The following NFILZ variants were observed in gnomAD, a reference collection of about 807,000 sequenced individuals.
NFILZ encodes the protein NFIL3 like basic leucine zipper, also known as NFIL3 like protein.
Position 8,668,285 on chromosome 19 carries a change from A to T in NFILZ, c.-163-6266A>T, listed in dbSNP as rs10404147. Among the ~76,000 whole-genome samples the T allele has an allele frequency of 2.6e-5, 4 of 151,664 alleles. No individual in the cohort carries two copies. In the South Asian group the frequency reaches 8.3e-4, roughly 32 times the overall value. ...ATAATTTTAAATTTGCATTATTTTTATTGTTGTCTTGTTATTTTTTTCAAA... is the reference window on the plus strand; with the variant it reads ...ATAATTTTAAATTTGCATTATTTTTTTTGTTGTCTTGTTATTTTTTTCAAA... On this transcript the variant is annotated intron_variant, in intron 3 of 5. Transcript: ENST00000691075.
chr19:8,656,738 C>T (rs1372205343), intron 3 of NFILZ, among the ~76,000 whole-genome samples: 2 of 152,228 alleles, frequency 1.3e-5, no homozygotes, highest in Non-Finnish European at 2.9e-5. Context: ...GCAGCTAATC[C>T]TGGGCCCCTA....
intron 2 of NFILZ, among the ~76,000 whole-genome samples, chr19:8,635,131 G>C (rs1250540703): frequency 1.3e-5 from 2 of 151,676 alleles, no homozygotes; most frequent in African/African-American, 4.8e-5. Context: ...CCAACATAGT[G>C]ACTCTCTGTC....
Position 8,673,697 on chromosome 19 carries a change from A to T in NFILZ, c.-163-854A>T, listed in dbSNP as rs2967682. On this transcript the variant is annotated intron_variant, in intron 3 of 5. Transcript: ENST00000691075. Reference sequence around the variant, plus strand: ...ATGGGCACTGGAGTCCCTCCCATGAATAGAAATTCTCAGAGGAGTTCCTGG... The same window carrying T: ...ATGGGCACTGGAGTCCCTCCCATGATTAGAAATTCTCAGAGGAGTTCCTGG... 6.6e-5 allele frequency among the ~76,000 whole-genome samples: 10 copies of T among 151,868 alleles called. No homozygotes were observed. In the East Asian group the frequency reaches 1.9e-3, roughly 29 times the overall value.
chr19:8,653,011 C>CTTTCTTTCTTT (rs2042974022), intron 3 of NFILZ, among the ~76,000 whole-genome samples: 2 of 52,888 alleles, frequency 3.8e-5, no homozygotes. Context: ...TTCCTTCCTT[C>CTTTCTTTCTTT]CTTTCTTTCT....
intron 3 of NFILZ, among the ~76,000 whole-genome samples, chr19:8,657,430 G>A (rs991334255): frequency 7.9e-5 from 12 of 152,078 alleles, no homozygotes; most frequent in South Asian, 2.1e-4. Flanking sequence ...GCAGGGGGTC[G>A]TTGGGGACTC....
At chr19:8,653,054 C>T (rs1299428402) in intron 3 of NFILZ, among the ~76,000 whole-genome samples, 7,959 of 87,256 alleles carry the variant, frequency 0.091, 439 homozygotes, top group African/African-American at 0.13. Flanking sequence ...CTCTCTCTCT[C>T]TCTCTCTCTC....
chr19:8,643,677 C>T (rs1207805974), intron 3 of NFILZ, among the ~76,000 whole-genome samples: 1 of 152,162 alleles, frequency 6.6e-6, no homozygotes, highest in Non-Finnish European at 1.5e-5. Context: ...GGCCTTCAGA[C>T]CTGGCTTGGA....
chr19:8,645,463 G>A (rs1275463395), intron 3 of NFILZ, among the ~76,000 whole-genome samples: 2 of 151,956 alleles, frequency 1.3e-5, no homozygotes, highest in Non-Finnish European at 2.9e-5. Context: ...TTCTGATCAT[G>A]TTGTCCCCAG....
At chr19:8,652,950 CTT>C (rs1383605954) in intron 3 of NFILZ, among the ~76,000 whole-genome samples, 1 of 119,978 alleles carries the variant, frequency 8.3e-6, no homozygotes, top group Non-Finnish European at 1.9e-5. Context: ...CTTTCTCTCT[CTT>C]TCTTTCCCTT....
At chr19:8,657,888 T>G (rs551329972) in intron 3 of NFILZ, among the ~76,000 whole-genome samples, 2 of 152,248 alleles carry the variant, frequency 1.3e-5, no homozygotes, top group East Asian at 3.9e-4. Context: ...TGTTTGGGTC[T>G]CAGAGACCAC....
chr19:8,670,608 C>T (rs1346278581), intron 3 of NFILZ, among the ~76,000 whole-genome samples: 5 of 152,146 alleles, frequency 3.3e-5, no homozygotes, highest in Non-Finnish European at 4.4e-5. Flanking sequence ...GGGTGGATGC[C>T]GGAGACCTTC....
intron 3 of NFILZ, among the ~76,000 whole-genome samples, chr19:8,659,598 T>C (rs2043020501): frequency 6.6e-6 from 1 of 152,194 alleles, no homozygotes; most frequent in African/African-American, 2.4e-5. Flanking sequence ...TTAAAGGTTT[T>C]AAGCAGGAAA....
rs564835692 is a variant in NFILZ, at chr19:8,651,458, G to A, written c.-164+15712G>A. 2.5e-4 allele frequency among the ~76,000 whole-genome samples: 38 copies of A among 152,008 alleles called. 1 individual carries two copies. The South Asian group carries it at 7.5e-3, about 30-fold the overall frequency. On this transcript the variant is annotated intron_variant, in intron 3 of 5. Transcript: ENST00000691075. ...ATTACCGGCGTGAGCCACTGCGCCC[G>A]ACCTTCAATAAGTTATTGTTAACCA...
At chr19:8,663,736 G>GTATGTGTT (rs782229587) in intron 3 of NFILZ, among the ~76,000 whole-genome samples, 9 of 136,036 alleles carry the variant, frequency 6.6e-5, no homozygotes, top group African/African-American at 2.4e-4. Flanking sequence ...GTGTGTGTGT[G>GTATGTGTT]TGTGTGTGTG....
intron 2 of NFILZ, among the ~76,000 whole-genome samples, chr19:8,634,022 G>A (rs1230461418): frequency 2.1e-5 from 3 of 144,886 alleles, no homozygotes; most frequent in East Asian, 2.1e-4. Flanking sequence ...TTTTGAGATA[G>A]AGTCTTGCTC....
At position 8,677,739 on chromosome 19, in the gene NFILZ, G is replaced by A. The variant is rs2043117775; in HGVS notation, c.*104G>A. Among the ~76,000 whole-genome samples the A allele has an allele frequency of 6.6e-6, 1 of 152,024 alleles. No individual in the cohort carries two copies. The highest frequency in any genetic ancestry group is 2.1e-4 in the South Asian group (1 of 4,816). ...TTGGTCTTGATCAGCAATCTGGGAA[G>A]GCCTGTAGGAAGTAGGGGTGCCCTG... On this transcript the variant is annotated 3_prime_UTR_variant, in exon 6 of 6. Coordinates refer to ENST00000691075, the MANE Select transcript of NFILZ (RefSeq NM_001378600.1).
intron 3 of NFILZ, among the ~76,000 whole-genome samples, chr19:8,651,821 C>T (rs1042955366): frequency 6.6e-6 from 1 of 152,176 alleles, no homozygotes; most frequent in Non-Finnish European, 1.5e-5. Context: ...GTGTGAACCA[C>T]TGTGCCCGGC....
intron 3 of NFILZ, among the ~76,000 whole-genome samples, chr19:8,649,502 G>A (rs1359941126): frequency 1.3e-5 from 2 of 151,458 alleles, no homozygotes; most frequent in Non-Finnish European, 2.9e-5. Flanking sequence ...CCTGACCTCA[G>A]GTGATCCACC....
At chr19:8,664,494 G>A (rs2043052763) in intron 3 of NFILZ, among the ~76,000 whole-genome samples, 2 of 152,160 alleles carry the variant, frequency 1.3e-5, no homozygotes, top group African/African-American at 2.4e-5. Flanking sequence ...GAGGGGGAGG[G>A]CGGGCCACGG....
Sources: allele counts gnomAD v4.1 joint callset (sites outside exome capture counted in the v4.1 genomes callset), GRCh38; gene constraint gnomAD v4.1.1; transcripts MANE v1.5; gene names NCBI Gene and HGNC (gene_info 2026-07-23, HGNC 2026-07-21).